Variants in ENO4 observed in about 807,000 individuals in gnomAD.
The protein encoded by ENO4 is enolase 4, also known as 2-phospho-D-glycerate hydro-lyase.
In ENO4, 53 loss-of-function variants were observed where a neutral mutation model predicts 63.2. The ratio of observed to expected loss-of-function variants is 0.84; its 90% confidence interval spans 0.67 to 1.05. ENO4 has a LOEUF of 1.05. ENO4 is among the 50% of genes least tolerant of loss of function. The probability of loss-of-function intolerance (pLI) is 0.00; values close to 1 mark genes in which losing one functional copy is unlikely to be tolerated. For missense variants in ENO4, 719 were observed against 772.0 expected, an observed-to-expected ratio of 0.93 and a Z score of 0.81; for synonymous variants, 266 against 283.8, an observed-to-expected ratio of 0.94 and a Z score of 0.63.
intron 1 of ENO4, among the ~76,000 whole-genome samples, chr10:116,850,958 T>C (rs1186115510): frequency 6.6e-6 from 1 of 152,214 alleles, no homozygotes; most frequent in Admixed American, 6.5e-5. Context: ...ACCTGCAGGA[T>C]GAATGAGTGA....
chr10:116,872,288 G>A (rs1489192563), intron 9 of ENO4, among the ~76,000 whole-genome samples: 1 of 152,150 alleles, frequency 6.6e-6, no homozygotes, highest in Non-Finnish European at 1.5e-5. Flanking sequence ...GGTATGTTAG[G>A]AAAGTTATTA....
intron 8 of ENO4, among the ~76,000 whole-genome samples, chr10:116,869,463 C>CA (rs372616542): frequency 1.1e-4 from 16 of 149,750 alleles, no homozygotes; most frequent in South Asian, 4.2e-4. Flanking sequence ...CAGCTGAAGA[C>CA]AAAAAAAAGA....
downstream of ENO4, chr10:116,884,546 G>A (rs1383882020): frequency 1.4e-5 from 4 of 288,656 alleles, no homozygotes; most frequent in South Asian, 3.2e-5. Context: ...TTCTGTGATG[G>A]TGTGATGAAA....
intron 7 of ENO4, among the ~76,000 whole-genome samples, chr10:116,865,189 T>G (rs1336494696): frequency 6.6e-6 from 1 of 152,164 alleles, no homozygotes; most frequent in Non-Finnish European, 1.5e-5. Context: ...TACTCTTTTA[T>G]TTTATTAATT....
At chr10:116,876,485 G>A (rs1846836530) in intron 11 of ENO4, among the ~76,000 whole-genome samples, 1 of 152,248 alleles carries the variant, frequency 6.6e-6, no homozygotes, top group Non-Finnish European at 1.5e-5. Context: ...CCTTTACTGA[G>A]GGCTACCAGA....
intron 1 of ENO4, among the ~76,000 whole-genome samples, chr10:116,851,079 A>G (rs1470816784): frequency 6.6e-6 from 1 of 152,218 alleles, no homozygotes; most frequent in Non-Finnish European, 1.5e-5. Flanking sequence ...TTTGTCTCAC[A>G]GCTACTTAGT....
At chr10:116,879,465 T>C (rs1401973862) in intron 12 of ENO4, 107 bp downstream of exon 12, 12 of 813,668 alleles carry the variant, frequency 1.5e-5, no homozygotes, top group African/African-American at 3.5e-5. Flanking sequence ...TTTTATGAAA[T>C]AGACTTGCTT....
At chr10:116,911,422 G>A in intron 10 of ENO4, 2 of 1,524,422 alleles carry the variant, frequency 1.3e-6, no homozygotes, top group South Asian at 2.5e-5. Flanking sequence ...TCTCCTTTTA[G>A]GCTTCAAAGT....
intron 10 of ENO4, chr10:116,901,790 A>G (rs781214422): frequency 6.2e-7 from 1 of 1,603,050 alleles, no homozygotes; most frequent in African/African-American, 1.4e-5. Flanking sequence ...GAACTTGTGC[A>G]TCCTTCCAAT....
chr10:116,909,718 T>G (rs761138887), intron 10 of ENO4, among the ~76,000 whole-genome samples: 7 of 152,236 alleles, frequency 4.6e-5, no homozygotes, highest in Non-Finnish European at 1.0e-4. Context: ...GGTTTGAAAC[T>G]CCCCCAAACC....
intron 1 of ENO4, among the ~76,000 whole-genome samples, chr10:116,851,713 T>C (rs1025456938): frequency 2.6e-5 from 4 of 152,146 alleles, no homozygotes; most frequent in African/African-American, 9.7e-5. Flanking sequence ...TGGTTCACAG[T>C]GCTCAGCCCC....
chr10:116,851,970 C>T (rs1209561667), intron 1 of ENO4, among the ~76,000 whole-genome samples: 2 of 152,084 alleles, frequency 1.3e-5, no homozygotes, highest in Non-Finnish European at 2.9e-5. Flanking sequence ...GGCTCTATCC[C>T]CTCCCAAACC....
At chr10:116,853,099 T>C (rs1846134629) in intron 1 of ENO4, among the ~76,000 whole-genome samples, 1 of 152,028 alleles carries the variant, frequency 6.6e-6, no homozygotes, top group East Asian at 1.9e-4. Flanking sequence ...ATCGAGACCA[T>C]CCTGGCTAAC....
chr10:116,872,158 T>C (rs976597850), intron 9 of ENO4, among the ~76,000 whole-genome samples: 2 of 152,226 alleles, frequency 1.3e-5, no homozygotes, highest in Middle Eastern at 3.4e-3. Context: ...GATCGTGCCA[T>C]TGCACTCCAG....
At chr10:116,909,581 A>G (rs1176542567) in intron 10 of ENO4, among the ~76,000 whole-genome samples, 4 of 152,182 alleles carry the variant, frequency 2.6e-5, no homozygotes, top group African/African-American at 9.6e-5. Context: ...TGGACTATAC[A>G]TATTTTTATC....
At chr10:116,887,377 G>A (rs1008561445), downstream of ENO4, among the ~76,000 whole-genome samples, 8 of 152,190 alleles carry the variant, frequency 5.3e-5, no homozygotes, top group Admixed American at 4.6e-4. Flanking sequence ...GCGGCCTGAA[G>A]GTGGAGGCAG....
chr10:116,856,988 CAAAAAAAA>C (rs66621882), intron 3 of ENO4, among the ~76,000 whole-genome samples: 5 of 120,148 alleles, frequency 4.2e-5, no homozygotes, highest in African/African-American at 1.4e-4. Context: ...GACTCTGTAT[CAAAAAAAA>C]AAAAAAAAGA....
intron 8 of ENO4, among the ~76,000 whole-genome samples, chr10:116,869,209 C>T (rs1169544421): frequency 6.6e-6 from 1 of 152,224 alleles, no homozygotes; most frequent in African/African-American, 2.4e-5. Flanking sequence ...CTTGTCAAAA[C>T]CCGTTCGCTG....
chr10:116,849,902 C>T (rs1436747553), intron 1 of ENO4, 171 bp downstream of exon 1: 7 of 801,354 alleles, frequency 8.7e-6, no homozygotes, highest in Admixed American at 6.1e-5. Flanking sequence ...GGGAAGGACA[C>T]CCAGGGGTGA....
Sources: allele counts gnomAD v4.1 joint callset (sites outside exome capture counted in the v4.1 genomes callset), GRCh38; gene constraint gnomAD v4.1.1; transcripts MANE v1.5; gene names NCBI Gene and HGNC (gene_info 2026-07-23, HGNC 2026-07-21).